GABBR2: variants seen among roughly 807,000 people sequenced by gnomAD.
The protein encoded by GABBR2 is G-protein coupled receptor 51.
GABBR2 carries 23 observed loss-of-function variants against 105.6 expected under a neutral mutation model. That is an observed-to-expected ratio of 0.22 (90% CI 0.16 to 0.31). GABBR2 has a LOEUF of 0.31. Among genes scored for constraint, GABBR2 ranks in the 10% least tolerant of loss-of-function variants. The pLI is 1.00. For synonymous variants in GABBR2, 478 were observed against 499.7 expected (o/e 0.96, Z 0.58); for missense variants, 734 against 1,245.5 (o/e 0.59, Z 6.18).
chr9:98,566,945 C>T (rs1759308), intron 2 of GABBR2, among the ~76,000 whole-genome samples: 143,183 of 152,222 alleles, frequency 0.94, 67,420 homozygotes, highest in Non-Finnish European at 0.97. Context: ...CCTTATTAGG[C>T]TGGTGTTAAT....
chr9:98,571,939 C>T (rs1229604168), intron 2 of GABBR2, among the ~76,000 whole-genome samples: 1 of 152,212 alleles, frequency 6.6e-6, no homozygotes, highest in Non-Finnish European at 1.5e-5. Context: ...TGCTGGAGGC[C>T]TGGACTCCTC....
chr9:98,580,108 T>C (rs1056340367), intron 1 of GABBR2, among the ~76,000 whole-genome samples: 1 of 152,186 alleles, frequency 6.6e-6, no homozygotes, highest in Non-Finnish European at 1.5e-5. Flanking sequence ...CTCTTCCCTT[T>C]GCTCACCAAG....
chr9:98,630,875 A>T (rs945244058), intron 1 of GABBR2, among the ~76,000 whole-genome samples: 1 of 152,206 alleles, frequency 6.6e-6, no homozygotes, highest in African/African-American at 2.4e-5. Flanking sequence ...CTATTATTTA[A>T]ACTTAAATTA....
intron 2 of GABBR2, among the ~76,000 whole-genome samples, chr9:98,553,192 T>G (rs1828522792): frequency 6.7e-6 from 1 of 150,004 alleles, no homozygotes; most frequent in Non-Finnish European, 1.5e-5. Context: ...CATATTCTTA[T>G]TGGGAACTTG....
chr9:98,666,065 A>G (rs773347725), intron 1 of GABBR2, among the ~76,000 whole-genome samples: 1 of 152,178 alleles, frequency 6.6e-6, no homozygotes, highest in Non-Finnish European at 1.5e-5. Context: ...ACTGCATGAG[A>G]GCAAAGGAAA....
intron 4 of GABBR2, among the ~76,000 whole-genome samples, chr9:98,493,813 A>C (rs1827224266): frequency 6.6e-6 from 1 of 152,198 alleles, no homozygotes; most frequent in African/African-American, 2.4e-5. Flanking sequence ...CACACTCAAC[A>C]AATTGTTGAG....
intron 2 of GABBR2, among the ~76,000 whole-genome samples, chr9:98,544,081 A>C (rs1828359007): frequency 6.9e-6 from 1 of 144,072 alleles, no homozygotes; most frequent in Non-Finnish European, 1.5e-5. Flanking sequence ...CAGAGAGGGC[A>C]TGGATGAAGC....
intron 2 of GABBR2, among the ~76,000 whole-genome samples, chr9:98,572,243 C>T (rs2131774566): frequency 6.6e-6 from 1 of 152,312 alleles, no homozygotes; most frequent in African/African-American, 2.4e-5. Context: ...ATATTAGCCT[C>T]TCTATGCAGC....
At chr9:98,642,322 C>A (rs1328776022) in intron 1 of GABBR2, among the ~76,000 whole-genome samples, 1 of 152,202 alleles carries the variant, frequency 6.6e-6, no homozygotes, top group Admixed American at 6.5e-5. Flanking sequence ...TCCCTCCAGC[C>A]CCTGCCCTAG....
At chr9:98,707,861 G>A (rs531017502) in intron 1 of GABBR2, among the ~76,000 whole-genome samples, 4 of 152,334 alleles carry the variant, frequency 2.6e-5, no homozygotes, top group South Asian at 2.1e-4. Flanking sequence ...GCGCGGAGCG[G>A]GCTCAGAGCT....
intron 12 of GABBR2, among the ~76,000 whole-genome samples, chr9:98,364,978 T>C (rs895234394): frequency 1.3e-5 from 2 of 152,214 alleles, no homozygotes; most frequent in African/African-American, 4.8e-5. Context: ...GATACCTGTG[T>C]GACCATGAGC....
chr9:98,372,013 CAGTT>C (rs1831792533), intron 11 of GABBR2, among the ~76,000 whole-genome samples: 1 of 152,236 alleles, frequency 6.6e-6, no homozygotes, highest in Non-Finnish European at 1.5e-5. Flanking sequence ...CTCAGAAGGT[CAGTT>C]AGTCAGCATG....
intron 13 of GABBR2, among the ~76,000 whole-genome samples, chr9:98,333,320 GA>G (rs1831059769): frequency 6.6e-6 from 1 of 152,168 alleles, no homozygotes; most frequent in South Asian, 2.1e-4. Flanking sequence ...TCATTTTCTA[GA>G]GCTGTTGTAA....
chr9:98,451,416 C>T (rs1339423563), intron 7 of GABBR2, among the ~76,000 whole-genome samples: 1 of 152,158 alleles, frequency 6.6e-6, no homozygotes, highest in Non-Finnish European at 1.5e-5. Context: ...TGGACTTCGC[C>T]AATACATTGT....
At chr9:98,450,691 C>T (rs1216497034) in intron 7 of GABBR2, among the ~76,000 whole-genome samples, 1 of 152,194 alleles carries the variant, frequency 6.6e-6, no homozygotes, top group Non-Finnish European at 1.5e-5. Context: ...ATATTTAAGA[C>T]AACTTTCAGT....
intron 16 of GABBR2, among the ~76,000 whole-genome samples, chr9:98,301,951 G>A (rs573070582): frequency 2.6e-5 from 4 of 152,292 alleles, no homozygotes; most frequent in South Asian, 2.1e-4. Context: ...CCCAAAGGGC[G>A]GCCAGATCTA....
intron 2 of GABBR2, among the ~76,000 whole-genome samples, chr9:98,560,408 CACACACACATATACACAT>C (rs1337312020): frequency 9.2e-6 from 1 of 108,904 alleles, no homozygotes; most frequent in Non-Finnish European, 2.3e-5. Context: ...CACATACACA[CACACACACATATACACAT>C]ACACACACAC....
chr9:98,561,975 T>C (rs2131762341), intron 2 of GABBR2, among the ~76,000 whole-genome samples: 1 of 152,210 alleles, frequency 6.6e-6, no homozygotes, highest in Non-Finnish European at 1.5e-5. Context: ...AACCATTGAG[T>C]AAAAGCTTGT....
chr9:98,457,121 C>G (rs932087681), intron 6 of GABBR2, among the ~76,000 whole-genome samples: 2 of 152,186 alleles, frequency 1.3e-5, no homozygotes, highest in African/African-American at 4.8e-5. Context: ...TAATTAATTG[C>G]GTTAAGCATC....
Sources: allele counts gnomAD v4.1 joint callset (sites outside exome capture counted in the v4.1 genomes callset), GRCh38; gene constraint gnomAD v4.1.1; transcripts MANE v1.5; gene names NCBI Gene and HGNC (gene_info 2026-07-23, HGNC 2026-07-21).